Variants in PAG1 observed in about 807,000 individuals in gnomAD.
PAG1 encodes the protein phosphoprotein membrane anchor with glycosphingolipid microdomains 1.
Under a neutral mutation model 31.7 loss-of-function variants are expected in PAG1, and 23 were observed. That is an observed-to-expected ratio of 0.73 (90% CI 0.52 to 1.03). The LOEUF is 1.03. PAG1 is among the 50% of genes least tolerant of loss of function. The pLI is 0.00. For missense variants in PAG1, 473 were observed against 540.7 expected, an observed-to-expected ratio of 0.87 and a Z score of 1.24; for synonymous variants, 214 against 210.3, an observed-to-expected ratio of 1.02 and a Z score of -0.15.
chr8:80,977,591 A>G (rs933472432), intron 8 of PAG1, among the ~76,000 whole-genome samples: 2 of 152,176 alleles, frequency 1.3e-5, no homozygotes, highest in Admixed American at 6.5e-5. Flanking sequence ...TTCTTGACTT[A>G]GTTGCGTATT....
rs1187139663 is a variant in PAG1 at position 80,973,701 on chromosome 8, CT to C, written c.*2842del. 5 of 152,138 alleles carry C rather than the reference CT, an allele frequency of 3.3e-5. No homozygotes were observed. The highest frequency in any genetic ancestry group is 2.6e-4 in the Admixed American group (4 of 15,278). The allele number at this position is 152,138 out of a possible 1,614,324, so 9.4% of individuals were successfully genotyped here. On this transcript the variant is annotated 3_prime_UTR_variant, in exon 9 of 9. Transcript: ENST00000220597. ...ACTGTAGCATTAGCTCAAGATGAAA[CT>C]TTTTAAAAGAAACCATAGGCTTTTG...
At chr8:81,022,225 T>C (rs1194427501) in intron 3 of PAG1, among the ~76,000 whole-genome samples, 1 of 152,240 alleles carries the variant, frequency 6.6e-6, no homozygotes, top group Non-Finnish European at 1.5e-5. Flanking sequence ...TTCCAAAGTC[T>C]GAAAATGAAA....
At chr8:81,003,132 C>T (rs147761255) in intron 3 of PAG1, among the ~76,000 whole-genome samples, 3 of 152,260 alleles carry the variant, frequency 2.0e-5, no homozygotes, top group African/African-American at 7.2e-5. Flanking sequence ...TCGGGGGTGG[C>T]GGGGCCCGGC....
At chr8:81,076,501 G>C (rs1809180410) in intron 1 of PAG1, among the ~76,000 whole-genome samples, 1 of 152,178 alleles carries the variant, frequency 6.6e-6, no homozygotes, top group Non-Finnish European at 1.5e-5. Flanking sequence ...TTAGGGTTAG[G>C]CATTCAGGGC....
chr8:81,100,898 T>C (rs1479050907), intron 1 of PAG1, among the ~76,000 whole-genome samples: 1 of 152,224 alleles, frequency 6.6e-6, no homozygotes, highest in Non-Finnish European at 1.5e-5. Flanking sequence ...AAATGCCAAA[T>C]AGCCTGTGGC....
intron 1 of PAG1, among the ~76,000 whole-genome samples, chr8:81,072,504 C>G (rs776084425): frequency 6.6e-6 from 1 of 152,160 alleles, no homozygotes; most frequent in Non-Finnish European, 1.5e-5. Flanking sequence ...AAAATCATCC[C>G]CATGTTGAAA....
intron 1 of PAG1, among the ~76,000 whole-genome samples, chr8:81,093,290 A>T (rs1809476585): frequency 6.6e-6 from 1 of 152,138 alleles, no homozygotes; most frequent in African/African-American, 2.4e-5. Flanking sequence ...TAATTTTAAA[A>T]AGTCTGAGGG....
intron 2 of PAG1, among the ~76,000 whole-genome samples, chr8:81,046,888 C>A (rs1002681985): frequency 3.9e-5 from 6 of 152,130 alleles, no homozygotes; most frequent in Non-Finnish European, 8.8e-5. Context: ...CTGTTCCCCC[C>A]ATGTATCCAT....
At position 81,105,006 on chromosome 8, in the gene PAG1, G is replaced by A. The variant is rs969232007; in HGVS notation, c.-234+6585C>T. Among the ~76,000 whole-genome samples the A allele has an allele frequency of 6.8e-4, 103 of 151,846 alleles. 1 individual carries two copies. Among genetic ancestry groups the A allele is most frequent in the African/African-American group, 1.3e-3 (52 of 41,330 alleles). On this transcript the variant is annotated intron_variant, in intron 1 of 8. Transcript: ENST00000220597. ...GGAATGACCAGCTGTTCCACAACCC[G>A]CCTCTCCGGTACCTTTGTTTCACCA...
intron 3 of PAG1, among the ~76,000 whole-genome samples, chr8:81,024,798 A>G (rs1808246908): frequency 6.6e-6 from 1 of 152,216 alleles, no homozygotes; most frequent in African/African-American, 2.4e-5. Flanking sequence ...GTTCTATCAT[A>G]TTAACCATGA....
In PAG1 at chr8:80,990,071, A is replaced by C. The variant is rs919369188; in HGVS notation, c.177+1408T>G. On this transcript the variant is annotated intron_variant, in intron 5 of 8. Coordinates refer to ENST00000220597, the MANE Select transcript of PAG1 (RefSeq NM_018440.4). This position sits in a 1 kb window ranked among gnomAD's most constrained non-coding sequence, Gnocchi z 5.1. ...TCCCTGCTGAGGCCACCACAGCAGC[A>C]ATCACCAGGCAGAGCAGGGGCGCTG... Among the ~76,000 whole-genome samples the C allele has an allele frequency of 4.2e-5, 6 of 143,676 alleles. No individual in the cohort carries two copies. Among genetic ancestry groups the C allele is most frequent in the Non-Finnish European group, 7.7e-5 (5 of 65,350 alleles). 94.3% of individuals were successfully genotyped at this position (143,676 alleles called of 152,430 possible).
intron 2 of PAG1, among the ~76,000 whole-genome samples, chr8:81,065,148 TGG>T (rs1563648453): frequency 1.3e-5 from 2 of 152,198 alleles, no homozygotes; most frequent in Non-Finnish European, 1.5e-5. Flanking sequence ...CTGGCCCCCT[TGG>T]TGTCCTCAAT....
chr8:81,053,383 TCTTA>T (rs369683365), intron 2 of PAG1, among the ~76,000 whole-genome samples: 1,533 of 152,370 alleles, frequency 0.01, 14 homozygotes, highest in Non-Finnish European at 0.017. Flanking sequence ...ATTCTTTAAT[TCTTA>T]CTTGTGAAAC....
At chr8:81,042,427 T>C (rs1808569483) in intron 2 of PAG1, among the ~76,000 whole-genome samples, 1 of 152,236 alleles carries the variant, frequency 6.6e-6, no homozygotes, top group Admixed American at 6.5e-5. Flanking sequence ...TTCTGCTATG[T>C]TAACATTACC....
chr8:81,006,017 A>T (rs1807870584), intron 3 of PAG1, among the ~76,000 whole-genome samples: 1 of 152,156 alleles, frequency 6.6e-6, no homozygotes, highest in Non-Finnish European at 1.5e-5. Flanking sequence ...ATCTCGACTC[A>T]CAGCAACCTC....
At chr8:81,027,879 T>G (rs1586174510) in intron 3 of PAG1, among the ~76,000 whole-genome samples, 1 of 125,692 alleles carries the variant, frequency 8.0e-6, no homozygotes, top group African/African-American at 3.2e-5. Flanking sequence ...CACTCCAGCC[T>G]GGGCGACAGA....
intron 2 of PAG1, among the ~76,000 whole-genome samples, chr8:81,031,799 T>C (rs1028514618): frequency 6.6e-6 from 1 of 152,188 alleles, no homozygotes; most frequent in Admixed American, 6.5e-5. Context: ...TTTTGCGACT[T>C]AAAAATATTC....
At chr8:81,002,713 A>G (rs1807808332) in intron 3 of PAG1, among the ~76,000 whole-genome samples, 1 of 152,242 alleles carries the variant, frequency 6.6e-6, no homozygotes, top group Non-Finnish European at 1.5e-5. Flanking sequence ...AATAATGGCT[A>G]TCTTTATGAA....
At chr8:81,088,383 AT>A (rs1809395235) in intron 1 of PAG1, among the ~76,000 whole-genome samples, 1 of 151,848 alleles carries the variant, frequency 6.6e-6, no homozygotes, top group Non-Finnish European at 1.5e-5. Flanking sequence ...CACCTCTCTT[AT>A]TTTTTTCTCT....
Sources: allele counts gnomAD v4.1 joint callset (sites outside exome capture counted in the v4.1 genomes callset), GRCh38; gene constraint gnomAD v4.1.1; non-coding constraint Gnocchi (gnomAD v3.1); transcripts MANE v1.5; gene names NCBI Gene and HGNC (gene_info 2026-07-23, HGNC 2026-07-21).